The following F2 variants were observed in gnomAD, a reference collection of about 807,000 sequenced individuals.
F2 encodes the protein coagulation factor II, thrombin, also known as prothrombin.
In F2, 34 loss-of-function variants were observed where a neutral mutation model predicts 81.9. The observed-to-expected ratio is 0.42, with a 90% CI of 0.32 to 0.55. F2 has a LOEUF of 0.55. Among genes scored for constraint, F2 ranks in the 20% least tolerant of loss-of-function variants. The probability of loss-of-function intolerance (pLI) is 0.18; values close to 1 mark genes in which losing one functional copy is unlikely to be tolerated. For missense variants in F2, 630 were observed against 833.4 expected (o/e 0.76, Z 3.00); for synonymous variants, 296 against 326.4 (o/e 0.91, Z 1.01).
chr11:46,738,176 T>C (rs934984987), intron 12 of F2, among the ~76,000 whole-genome samples: 4 of 152,034 alleles, frequency 2.6e-5, no homozygotes, highest in African/African-American at 9.7e-5. Flanking sequence ...AATTTTTGTA[T>C]TTTTAGTAGA....
Position 46,719,814 on chromosome 11 carries a change from G to C in F2, c.192G>C (p.Thr64=), listed in dbSNP as rs147253030. Residue 64 remains threonine (T), a synonymous_variant, in exon 2 of 14, where the codon ACG becomes ACC. Coordinates refer to ENST00000311907, the MANE Select transcript of F2 (RefSeq NM_000506.5). The surrounding 1 kb of genome is among the most constrained non-coding windows in gnomAD (Gnocchi z 4.7). ...TGGAGCGAGAGTGCGTGGAGGAGACGTGCAGCTACGAGGAGGCCTTCGAGG... is the reference window on the plus strand; with the variant it reads ...TGGAGCGAGAGTGCGTGGAGGAGACCTGCAGCTACGAGGAGGCCTTCGAGG... The part of the protein sequence containing the change: ...GNLERECVEE[T]CSYEEAFEAL... 2 of 1,591,114 alleles carry C rather than the reference G, an allele frequency of 1.3e-6. No individual in the cohort carries two copies. The highest frequency in any genetic ancestry group is 2.3e-5 in the East Asian group (1 of 43,938).
chr11:46,729,306 C>CT, intron 11 of F2, 74 bp from the exon 12 acceptor site: 2 of 1,529,910 alleles, frequency 1.3e-6, no homozygotes, highest in African/African-American at 1.4e-5. Flanking sequence ...ATTCTGGTCT[C>CT]TAAGAAATGG....
At chr11:46,738,460 T>G (rs1466228028) in intron 12 of F2, among the ~76,000 whole-genome samples, 1 of 152,112 alleles carries the variant, frequency 6.6e-6, no homozygotes, top group Non-Finnish European at 1.5e-5. Context: ...TTAAATTTTT[T>G]TCTTGGTCTT....
chr11:46,723,124 GGA>G lies in F2; in HGVS notation c.317-50_317-49del. 1 of 1,499,198 alleles carries G rather than the reference GGA, an allele frequency of 6.7e-7. No individual in the cohort carries two copies. Among genetic ancestry groups the G allele is most frequent in the Non-Finnish European group, 9.3e-7 (1 of 1,075,502 alleles). The allele number at this position is 1,499,198 out of a possible 1,614,324, so 92.9% of individuals were successfully genotyped here. A position where few individuals can be genotyped will look rare whatever the true frequency, so the allele number is the denominator to read the frequency against. ...AGGTGGGGGATAGACAACTTTGCAG[GGA>G]GAGAGGAAATAAGTCCCCAGGCTCC... On this transcript the variant is annotated intron_variant, in intron 4 of 13. Transcript: ENST00000311907. The surrounding 1 kb of genome is among the most constrained non-coding windows in gnomAD (Gnocchi z 5.6).
chr11:46,732,748 G>C (rs1487127355), intron 12 of F2, among the ~76,000 whole-genome samples: 1 of 152,166 alleles, frequency 6.6e-6, no homozygotes, highest in Non-Finnish European at 1.5e-5. Context: ...ATGATCCCAA[G>C]TTTGGCCTGT....
Position 46,719,823 on chromosome 11 carries a change from CGAG to C in F2, c.206_208del (p.Glu69del). On this transcript the variant is annotated inframe_deletion, in exon 2 of 14. Coordinates refer to ENST00000311907, the MANE Select transcript of F2 (RefSeq NM_000506.5). The surrounding 1 kb of genome is among the most constrained non-coding windows in gnomAD (Gnocchi z 4.7). ...AGTGCGTGGAGGAGACGTGCAGCTA[CGAG>C]GAGGCCTTCGAGGCTCTGGAGTCCT... 1 of 1,588,080 alleles carries C rather than the reference CGAG, an allele frequency of 6.3e-7. No homozygotes were observed. Among genetic ancestry groups the C allele is most frequent in the Non-Finnish European group, 8.6e-7 (1 of 1,168,062 alleles).
chr11:46,738,301 G>A (rs10838616), intron 12 of F2, among the ~76,000 whole-genome samples: 150,457 of 152,262 alleles, frequency 0.99, 74,360 homozygotes, highest in Middle Eastern at 1. Context: ...ACCTAGTGAA[G>A]GTGTGGTTTT....
intron 12 of F2, among the ~76,000 whole-genome samples, chr11:46,737,504 G>A (rs1369528883): frequency 2.9e-5 from 4 of 137,646 alleles, no homozygotes; most frequent in African/African-American, 8.3e-5. Context: ...GCAGTGGTGC[G>A]ATCTCGGCTC....
Position 46,726,387 on chromosome 11 carries a change from C to T in F2, c.875-111C>T, listed in dbSNP as rs2064873109. On this transcript the variant is annotated intron_variant, in intron 7 of 13. Coordinates refer to ENST00000311907, the MANE Select transcript of F2 (RefSeq NM_000506.5). The surrounding 1 kb of genome is among the most constrained non-coding windows in gnomAD (Gnocchi z 5.9). Reference sequence around the variant, plus strand: ...CTAGTAGCCCAACTGTGCATGCACGCTTAACCTCTGCACCAAATGGCCTCC... The same window carrying T: ...CTAGTAGCCCAACTGTGCATGCACGTTTAACCTCTGCACCAAATGGCCTCC... The T allele has an allele frequency of 6.5e-7, 1 of 1,542,560 alleles. No homozygotes were observed. Among genetic ancestry groups the T allele is most frequent in the African/African-American group, 1.4e-5 (1 of 72,980 alleles).
rs529894780 is a variant in F2, at chr11:46,723,814, C to T, written c.559+296C>T. 3.3e-5 allele frequency among the ~76,000 whole-genome samples: 5 copies of T among 152,208 alleles called. No individual in the cohort carries two copies. The highest frequency in any genetic ancestry group is 4.1e-4 in the South Asian group (2 of 4,822). On this transcript the variant is annotated intron_variant, in intron 6 of 13. Coordinates refer to ENST00000311907, the MANE Select transcript of F2 (RefSeq NM_000506.5). This position sits in a 1 kb window ranked among gnomAD's most constrained non-coding sequence, Gnocchi z 5.6. ...CTGAGGCACGAGAATCGCTTGAACC[C>T]GGGAGGCGGAGTTTGCAGTGAGCTG...
chr11:46,723,727 C>T lies in F2; in HGVS notation c.559+209C>T, dbSNP rs1277698283. Among the ~76,000 whole-genome samples the T allele has an allele frequency of 2.6e-5, 4 of 152,170 alleles. No individual in the cohort carries two copies. Among genetic ancestry groups the T allele is most frequent in the Admixed American group, 2.6e-4 (4 of 15,274 alleles). ...CCAACATGGCAAAACCCCGTCTCTACTAAAAATACAAAAATTGCCAGGCGT... is the reference window on the plus strand; with the variant it reads ...CCAACATGGCAAAACCCCGTCTCTATTAAAAATACAAAAATTGCCAGGCGT... On this transcript the variant is annotated intron_variant, in intron 6 of 13. Transcript: ENST00000311907. This position sits in a 1 kb window ranked among gnomAD's most constrained non-coding sequence, Gnocchi z 5.6.
At chr11:46,731,603 C>A (rs975131896) in intron 12 of F2, among the ~76,000 whole-genome samples, 1 of 151,366 alleles carries the variant, frequency 6.6e-6, no homozygotes, top group Non-Finnish European at 1.5e-5. Context: ...TGTTTCTCAC[C>A]CAGGATTCAA....
intron 4 of F2, 70 bp downstream of exon 4, chr11:46,720,910 T>A: frequency 6.3e-7 from 1 of 1,580,300 alleles, no homozygotes; most frequent in African/African-American, 1.3e-5. Flanking sequence ...CAGGGGTGGG[T>A]TTGGAGTGTG....
chr11:46,719,731 C>G lies in F2; in HGVS notation c.109C>G (p.Leu37Val). Residue 37 changes from leucine (L) to valine (V), a missense_variant, in exon 2 of 14, where the codon CTG (leucine) becomes GTG (valine). Physicochemically the swap from Leu to Val is conservative, Grantham distance 32. Coordinates refer to ENST00000311907, the MANE Select transcript of F2 (RefSeq NM_000506.5). This position sits in a 1 kb window ranked among gnomAD's most constrained non-coding sequence, Gnocchi z 4.7. ...CCTGGCTCCTCAGCAAGCACGGTCG[C>G]TGCTCCAGCGGGTCCGGCGAGCCAA... The part of the protein sequence containing the change: ...VFLAPQQARS[L>V]LQRVRRANTF... 3 of 1,595,552 alleles carry G rather than the reference C, an allele frequency of 1.9e-6. No individual in the cohort carries two copies. Among genetic ancestry groups the G allele is most frequent in the Non-Finnish European group, 2.6e-6 (3 of 1,172,400 alleles).
chr11:46,726,030 C>T lies in F2; in HGVS notation c.731C>T (p.Ala244Val). Residue 244 changes from alanine to valine, a missense_variant, in exon 7 of 14, where the codon GCC (alanine) becomes GTC (valine). Ala to Val is a moderately conservative substitution (Grantham distance 64, BLOSUM62 0). Coordinates refer to ENST00000311907, the MANE Select transcript of F2 (RefSeq NM_000506.5). This position sits in a 1 kb window ranked among gnomAD's most constrained non-coding sequence, Gnocchi z 5.9. ...GCCTGGGCCAGCGCACAGGCCAAGG[C>T]CCTGAGCAAGCACCAGGACTTCAAC... ...CLAWASAQAK[A>V]LSKHQDFNSA... The T allele has an allele frequency of 6.2e-7, 1 of 1,614,110 alleles. No individual in the cohort carries two copies. Among genetic ancestry groups the T allele is most frequent in the Non-Finnish European group, 8.5e-7 (1 of 1,180,034 alleles).
At position 46,726,350 on chromosome 11, in the gene F2, G is replaced by C. The variant is rs2064872973; in HGVS notation, c.875-148G>C. On this transcript the variant is annotated intron_variant, in intron 7 of 13. Transcript: ENST00000311907. This position sits in a 1 kb window ranked among gnomAD's most constrained non-coding sequence, Gnocchi z 5.9. ...CACAGATAAGTACACTGAGGCCCCA[G>C]GAGGTTATTGCCTAGTAGCCCAACT... 6.8e-7 allele frequency: 1 copy of C among 1,462,998 alleles called. No homozygotes were observed. Among genetic ancestry groups the C allele is most frequent in the Admixed American group, 2.0e-5 (1 of 50,624 alleles). The allele number at this position is 1,462,998 out of a possible 1,614,324, so 90.6% of individuals were successfully genotyped here.
chr11:46,720,260 G>A, intron 2 of F2: 1 of 576,860 alleles, frequency 1.7e-6, no homozygotes, highest in Non-Finnish European at 3.1e-6. Context: ...TGTCTGTAGG[G>A]CTCTGCCAGG....
In F2 at chr11:46,728,901, C is replaced by G; in HGVS notation, c.1472+64C>G. ...CAAGTTCTGGGCCTGGCTCTGATAC[C>G]AAGTAGCCTTGCAAGAGCCCCTTTC... is the stretch of plus-strand genomic sequence containing the variant. On this transcript the variant is annotated intron_variant, in intron 11 of 13. Coordinates refer to ENST00000311907, the MANE Select transcript of F2 (RefSeq NM_000506.5). This position sits in a 1 kb window ranked among gnomAD's most constrained non-coding sequence, Gnocchi z 5.1. 7 of 1,571,226 alleles carry G rather than the reference C, an allele frequency of 4.5e-6. 1 individual carries two copies. The South Asian group carries it at 7.8e-5, about 17-fold the overall frequency.
Position 46,719,880 on chromosome 11 carries a change from G to A in F2, c.240+18G>A, listed in dbSNP as rs764029379. The A allele has an allele frequency of 1.4e-5, 22 of 1,553,670 alleles. No individual in the cohort carries two copies. Among genetic ancestry groups the A allele is most frequent in the East Asian group, 9.6e-5 (4 of 41,566 alleles). ...CGGCTACGGTGAGCCTGGGCTGCTCGGACGGTGCCGGGGCCTCAGACCGGG... is the reference window on the plus strand; with the variant it reads ...CGGCTACGGTGAGCCTGGGCTGCTCAGACGGTGCCGGGGCCTCAGACCGGG... On this transcript the variant is annotated intron_variant, in intron 2 of 13. Coordinates refer to ENST00000311907, the MANE Select transcript of F2 (RefSeq NM_000506.5). This position sits in a 1 kb window ranked among gnomAD's most constrained non-coding sequence, Gnocchi z 4.7.
Sources: allele counts gnomAD v4.1 joint callset (sites outside exome capture counted in the v4.1 genomes callset), GRCh38; gene constraint gnomAD v4.1.1; non-coding constraint Gnocchi (gnomAD v3.1); transcripts MANE v1.5; gene names NCBI Gene and HGNC (gene_info 2026-07-23, HGNC 2026-07-21).